TSGA10IP: variants seen among roughly 807,000 people sequenced by gnomAD.
The protein encoded by TSGA10IP is testis specific 10 interacting protein.
In TSGA10IP, 64 loss-of-function variants were observed where a neutral mutation model predicts 63.2. The ratio of observed to expected loss-of-function variants is 1.01; its 90% CI spans 0.83 to 1.25. TSGA10IP has a LOEUF of 1.25. TSGA10IP is among the 50% of genes most tolerant of loss of function. The probability of loss-of-function intolerance (pLI) is 0.00; values close to 1 mark genes in which losing one functional copy is unlikely to be tolerated. For missense variants in TSGA10IP, 681 were observed against 710.1 expected, an observed-to-expected ratio of 0.96 and a Z score of 0.47; for synonymous variants, 316 against 298.3, an observed-to-expected ratio of 1.06 and a Z score of -0.61.
chr11:65,958,896 C>CA lies in TSGA10IP; in HGVS notation c.1337dup (p.Arg447AlafsTer4). The stretch of plus-strand genomic sequence containing the variant: ...TCTCCCCTGCAGGCGCCAGGAGCGA[C>CA]AGCGCTTTGCTGAGTACCAGGCGGA... On this transcript the variant is annotated frameshift_variant, in exon 6 of 8. Coordinates refer to ENST00000532620, the Ensembl canonical transcript of TSGA10IP. LOFTEE classifies it high-confidence loss of function. 6.2e-7 allele frequency: 1 copy of CA among 1,612,936 alleles called. No individual in the cohort carries two copies. The highest frequency in any genetic ancestry group is 1.1e-5 in the South Asian group (1 of 91,062).
intron 5 of TSGA10IP, among the ~76,000 whole-genome samples, chr11:65,955,645 C>T (rs187705883): frequency 5.5e-4 from 83 of 151,826 alleles, no homozygotes; most frequent in Non-Finnish European, 1.1e-3. Flanking sequence ...TGCTGATGCA[C>T]GAGGGCACAG....
At chr11:65,949,398 AG>A (rs1256965685) in intron 4 of TSGA10IP, among the ~76,000 whole-genome samples, 2 of 145,992 alleles carry the variant, frequency 1.4e-5, no homozygotes, top group Non-Finnish European at 3.0e-5. Flanking sequence ...GAGTTCATTC[AG>A]CATTCTTATA....
At chr11:65,953,797 CT>C in intron 5 of TSGA10IP, 60 bp downstream of exon 5, 53 of 1,380,460 alleles carry the variant, frequency 3.8e-5, no homozygotes, top group Non-Finnish European at 4.8e-5. Context: ...CGTGTCAGGT[CT>C]CAGTCTACAG....
chr11:65,958,226 C>T (rs552889504), intron 5 of TSGA10IP, among the ~76,000 whole-genome samples: 45 of 152,288 alleles, frequency 3.0e-4, no homozygotes, highest in African/African-American at 5.8e-4. Flanking sequence ...ATTACAGGTG[C>T]GAGCCACCAC....
At chr11:65,953,542 A>G in intron 4 of TSGA10IP, 25 bp from the exon 5 acceptor site, 3 of 1,540,258 alleles carry the variant, frequency 1.9e-6, no homozygotes, top group Non-Finnish European at 2.6e-6. Context: ...TGAACCTCTC[A>G]TTCCCCTTCC....
chr11:65,947,733 G>A (rs71455793), exon 3 of TSGA10IP: 56,759 of 1,592,398 alleles, frequency 0.036, 1,206 homozygotes, highest in Non-Finnish European at 0.043. Context: ...AACAACCTCC[G>A]AAGGCGACAA....
At position 65,947,211 on chromosome 11, in the gene TSGA10IP, C is replaced by T. The variant is rs1324164813; in HGVS notation, c.386C>T (p.Thr129Ile). 3.7e-6 allele frequency: 6 copies of T among 1,607,688 alleles called. No homozygotes were observed. The highest frequency in any genetic ancestry group is 3.4e-5 in the Admixed American group (2 of 59,018). ...GCTGTGCTTCAGCCAAGCTCCCCAA[C>T]CCCTGGCCACCAAGCCCTGCCCATG... Residue 129 changes from threonine (T) to isoleucine (I), a missense_variant, in exon 3 of 8, where the codon ACC becomes ATC. Transcript: ENST00000532620.
In TSGA10IP at chr11:65,945,745, C is replaced by T. The variant is rs1854817032; in HGVS notation, c.70C>T (p.Gln24Ter). 1 of 1,613,994 alleles carries T rather than the reference C, an allele frequency of 6.2e-7. No homozygotes were observed. The highest frequency in any genetic ancestry group is 8.5e-7 in the Non-Finnish European group (1 of 1,179,880). ...TAGGACCCCGTCGGTGCGACCAGGG[C>T]AGGACGTGCGGCTCCAGGCTCCAGG... The change falls in exon 1 of 8, where the codon CAG (glutamine) becomes TAG (stop). Residue 24 changes from glutamine to a stop codon, truncating the protein, a stop_gained. Transcript: ENST00000532620. LOFTEE classifies it high-confidence loss of function.
chr11:65,953,030 C>CTTTTTT (rs543769953), intron 4 of TSGA10IP, among the ~76,000 whole-genome samples: 4 of 133,646 alleles, frequency 3.0e-5, no homozygotes, highest in African/African-American at 5.6e-5. Flanking sequence ...TTCTTTCTTT[C>CTTTTTT]TTTTTTTTTT....
chr11:65,959,057 C>A (rs797021949), intron 6 of TSGA10IP, 75 bp downstream of exon 6: 6 of 1,574,326 alleles, frequency 3.8e-6, no homozygotes, highest in Non-Finnish European at 4.3e-6. Context: ...AAGCAGGATG[C>A]GAGTAGGTCC....
chr11:65,949,850 G>GT (rs377116599), intron 4 of TSGA10IP, among the ~76,000 whole-genome samples: 70,023 of 101,640 alleles, frequency 0.69, 27,322 homozygotes, highest in South Asian at 0.9. Flanking sequence ...CATTACCTCG[G>GT]TTTTTTTTTT....
At position 65,953,600 on chromosome 11, in the gene TSGA10IP, G is replaced by A. The variant is rs539717736; in HGVS notation, c.1185G>A (p.Gln395=). 21 of 1,588,514 alleles carry A rather than the reference G, an allele frequency of 1.3e-5. 1 individual carries two copies. The Admixed American group carries it at 3.1e-4, about 24-fold the overall frequency. Residue 395 remains glutamine (Q), a synonymous_variant, in exon 5 of 8, where the codon CAG becomes CAA. Coordinates refer to ENST00000532620, the Ensembl canonical transcript of TSGA10IP. Reference sequence around the variant, plus strand: ...TGCAGGCCTGGGAGCGGCAGCGGCAGGAGGAGCGGCAGCAGGCCGAGCTGC... The same window carrying A: ...TGCAGGCCTGGGAGCGGCAGCGGCAAGAGGAGCGGCAGCAGGCCGAGCTGC...
At chr11:65,945,801 G>A (rs554596929) in exon 1 of TSGA10IP, 23 of 1,613,900 alleles carry the variant, frequency 1.4e-5, no homozygotes, top group South Asian at 1.3e-4. Context: ...AGCTGCTGTC[G>A]ACCGTCTCTC....
Position 65,959,765 on chromosome 11 carries a change from G to A in TSGA10IP, c.1548-52G>A. On this transcript the variant is annotated intron_variant, in intron 7 of 7. Coordinates refer to ENST00000532620, the Ensembl canonical transcript of TSGA10IP. Reference sequence around the variant, plus strand: ...AAGCCACATTGTCAGTGGTTTCCTTGGGCATGGGGGTGGGAGCTGCAGAGT... The same window carrying A: ...AAGCCACATTGTCAGTGGTTTCCTTAGGCATGGGGGTGGGAGCTGCAGAGT... 9 of 1,512,598 alleles carry A rather than the reference G, an allele frequency of 6.0e-6. No homozygotes were observed. In the South Asian group the frequency reaches 1.1e-4, roughly 19 times the overall value. The allele number at this position is 1,512,598 out of a possible 1,614,324, so 93.7% of individuals were successfully genotyped here.
At chr11:65,955,606 C>T (rs1855010295) in intron 5 of TSGA10IP, among the ~76,000 whole-genome samples, 1 of 149,912 alleles carries the variant, frequency 6.7e-6, no homozygotes, top group Admixed American at 6.6e-5. Flanking sequence ...GAGAAAGACT[C>T]CGTTTCAAAA....
rs1854973016 is a variant in TSGA10IP, at chr11:65,953,485, T to C, written c.1152-82T>C. The C allele has an allele frequency of 4.8e-6, 7 of 1,462,952 alleles. No individual in the cohort carries two copies. In the South Asian group the frequency reaches 5.7e-5, roughly 12 times the overall value. 90.6% of individuals were successfully genotyped at this position (1,462,952 alleles called of 1,614,324 possible). A position where few individuals can be genotyped will look rare whatever the true frequency, so the allele number is the denominator to read the frequency against. On this transcript the variant is annotated intron_variant, in intron 4 of 7. Coordinates refer to ENST00000532620, the Ensembl canonical transcript of TSGA10IP. ...TGCAGCCCCTCCCCACAGGCTTCCA[T>C]ATTCCCTTATCCAGCCCCTGGCCCT...
rs767478344 is a variant in TSGA10IP, at chr11:65,947,404, GC to G, written c.585del (p.Ser196ValfsTer34). The G allele has an allele frequency of 6.2e-7, 1 of 1,613,346 alleles. No homozygotes were observed. The highest frequency in any genetic ancestry group is 1.1e-5 in the South Asian group (1 of 91,002). ...CTGGCAAAGGGGAGCTAGGATCAGA[GC>G]CCCCCAGTGGTCTCCAGCTGCCTGG... is the stretch of plus-strand genomic sequence containing the variant. On this transcript the variant is annotated frameshift_variant, in exon 3 of 8. Transcript: ENST00000532620. LOFTEE classifies it high-confidence loss of function.
At chr11:65,948,282 A>G (rs1854881432) in intron 4 of TSGA10IP, 134 bp downstream of exon 4, 1 of 723,330 alleles carries the variant, frequency 1.4e-6, no homozygotes, top group Non-Finnish European at 2.2e-6. Context: ...TGGATCATCC[A>G]TCCATCCATC....
chr11:65,953,711 G>A (rs543982118), exon 5 of TSGA10IP: 18 of 1,559,118 alleles, frequency 1.2e-5, no homozygotes, highest in Admixed American at 3.8e-5. Flanking sequence ...GCCCTGGGGC[G>A]GCCCAGCGCA....
Sources: allele counts gnomAD v4.1 joint callset (sites outside exome capture counted in the v4.1 genomes callset), GRCh38; gene constraint gnomAD v4.1.1; transcripts MANE v1.5; gene names NCBI Gene and HGNC (gene_info 2026-07-23, HGNC 2026-07-21).